The following ANGPTL2 variants were observed in gnomAD, a reference collection of about 807,000 sequenced individuals.
ANGPTL2 encodes angiopoietin like 2.
In ANGPTL2, 25 loss-of-function variants were observed where a neutral mutation model predicts 52.8. The observed-to-expected ratio is 0.47, with a 90% CI of 0.35 to 0.66. The LOEUF is 0.66. Ranked by LOEUF, ANGPTL2 falls within the 30% of genes least tolerant of loss-of-function variation. The pLI, the probability that ANGPTL2 is intolerant of heterozygous loss-of-function variation, is 0.01. For synonymous variants in ANGPTL2, 276 were observed against 277.4 expected (o/e 1.00, Z 0.05); for missense variants, 546 against 656.9 (o/e 0.83, Z 1.84).
intron 4 of ANGPTL2, among the ~76,000 whole-genome samples, chr9:127,090,172 C>G (rs2052295212): frequency 6.6e-6 from 1 of 152,210 alleles, no homozygotes; most frequent in African/African-American, 2.4e-5. Context: ...CACGCCATAA[C>G]CAGCCTCCTC....
At chr9:127,110,543 C>T (rs1478857297) in intron 1 of ANGPTL2, among the ~76,000 whole-genome samples, 3 of 152,164 alleles carry the variant, frequency 2.0e-5, no homozygotes, top group Non-Finnish European at 4.4e-5. Flanking sequence ...TGGAACTCTC[C>T]CCAGGACTCT....
chr9:127,092,075 C>T, intron 3 of ANGPTL2, 135 bp from the exon 4 acceptor site: 1 of 1,015,960 alleles, frequency 9.8e-7, no homozygotes, highest in South Asian at 1.5e-5. Context: ...GGTTCAGACC[C>T]CTACTCCACC....
intron 1 of ANGPTL2, among the ~76,000 whole-genome samples, chr9:127,109,486 G>C (rs1170447721): frequency 6.6e-6 from 1 of 152,252 alleles, no homozygotes; most frequent in Non-Finnish European, 1.5e-5. Context: ...CTAAGCTACA[G>C]AGCCAAAACA....
intron 2 of ANGPTL2, among the ~76,000 whole-genome samples, chr9:127,099,148 C>T (rs1332483288): frequency 6.6e-6 from 1 of 152,174 alleles, no homozygotes; most frequent in African/African-American, 2.4e-5. Flanking sequence ...TCCTTTTTAT[C>T]CCCTGAGTCC....
At chr9:127,118,435 A>G (rs984644699) in intron 1 of ANGPTL2, among the ~76,000 whole-genome samples, 1 of 152,278 alleles carries the variant, frequency 6.6e-6, no homozygotes, top group Non-Finnish European at 1.5e-5. Context: ...TTCACAAAAA[A>G]GAAATGCTAT....
chr9:127,096,095 C>T (rs2053102769), intron 2 of ANGPTL2, among the ~76,000 whole-genome samples: 1 of 152,212 alleles, frequency 6.6e-6, no homozygotes, highest in East Asian at 1.9e-4. Context: ...CCCAGGGTAG[C>T]AGATGGGGCA....
intron 1 of ANGPTL2, among the ~76,000 whole-genome samples, chr9:127,116,265 C>G (rs952085302): frequency 6.6e-6 from 1 of 151,682 alleles, no homozygotes; most frequent in African/African-American, 2.4e-5. Context: ...ATTGCTGGCT[C>G]CAGGAAGAGT....
intron 2 of ANGPTL2, among the ~76,000 whole-genome samples, chr9:127,105,166 C>G (rs1480610758): frequency 6.6e-6 from 1 of 152,156 alleles, no homozygotes; most frequent in Non-Finnish European, 1.5e-5. Context: ...AGATGGGTCA[C>G]AAGAAATCTA....
At chr9:127,095,008 C>T (rs2052946769) in intron 2 of ANGPTL2, among the ~76,000 whole-genome samples, 1 of 152,206 alleles carries the variant, frequency 6.6e-6, no homozygotes, top group Non-Finnish European at 1.5e-5. Context: ...GGGCCTTTCT[C>T]ATTGATCTGA....
intron 1 of ANGPTL2, among the ~76,000 whole-genome samples, chr9:127,114,828 C>T (rs898862797): frequency 2.6e-5 from 4 of 152,232 alleles, no homozygotes; most frequent in Non-Finnish European, 4.4e-5. Flanking sequence ...CTGAGCTGTG[C>T]TTGAGTGAGT....
At chr9:127,109,710 A>G (rs2054607360) in intron 1 of ANGPTL2, among the ~76,000 whole-genome samples, 2 of 152,246 alleles carry the variant, frequency 1.3e-5, no homozygotes, top group Admixed American at 1.3e-4. Context: ...GGCTAGGGAT[A>G]CAGCTACCAA....
intron 1 of ANGPTL2, among the ~76,000 whole-genome samples, chr9:127,109,741 C>T (rs990627012): frequency 1.3e-5 from 2 of 152,228 alleles, no homozygotes; most frequent in African/African-American, 4.8e-5. Flanking sequence ...CCAGTCCCTG[C>T]CCTCATGGGG....
At chr9:127,114,632 C>T (rs1589562848) in intron 1 of ANGPTL2, among the ~76,000 whole-genome samples, 1 of 152,362 alleles carries the variant, frequency 6.6e-6, no homozygotes, top group East Asian at 1.9e-4. Context: ...CACCCCCTCA[C>T]CACCCGTCCT....
intron 1 of ANGPTL2, among the ~76,000 whole-genome samples, chr9:127,120,145 C>G (rs2137653115): frequency 6.6e-6 from 1 of 152,268 alleles, no homozygotes; most frequent in East Asian, 1.9e-4. Flanking sequence ...CTCTGCAACT[C>G]CGGGGCAAAC....
chr9:127,118,572 G>A (rs989858269), intron 1 of ANGPTL2, among the ~76,000 whole-genome samples: 2 of 152,342 alleles, frequency 1.3e-5, no homozygotes, highest in East Asian at 3.9e-4. Flanking sequence ...GAGAGACCGT[G>A]GGAGAGGTGC....
intron 4 of ANGPTL2, 68 bp from the exon 5 acceptor site, chr9:127,089,206 G>C: frequency 6.5e-7 from 1 of 1,548,526 alleles, no homozygotes; most frequent in South Asian, 1.1e-5. Context: ...ATAGTGCTCA[G>C]GGCTTTCGGC....
At chr9:127,099,743 C>T (rs918363862) in intron 2 of ANGPTL2, among the ~76,000 whole-genome samples, 2 of 152,202 alleles carry the variant, frequency 1.3e-5, no homozygotes, top group Admixed American at 1.3e-4. Context: ...AAACAATAAC[C>T]TAAACACAGG....
In ANGPTL2 at chr9:127,108,209, T is replaced by G; in HGVS notation, c.523A>C (p.Lys175Gln). Residue 175 changes from lysine to glutamine, a missense_variant, in exon 2 of 5, where the codon AAG becomes CAG. This residue lies in a region of ANGPTL2 where 285 missense variants were observed against 295.8 expected (regional missense o/e 0.96). Coordinates refer to ENST00000373425, the MANE Select transcript of ANGPTL2 (RefSeq NM_012098.3). ...TACTTGTGCTCCAGGTCCTTGTACT[T>G]GCTGGCCAGCTGCAGCATGTCGGCT... ...QTADMLQLAS[K>Q]YKDLEHKYQH... The G allele has an allele frequency of 6.2e-7, 1 of 1,614,100 alleles. No homozygotes were observed. The highest frequency in any genetic ancestry group is 8.5e-7 in the Non-Finnish European group (1 of 1,180,014).
At chr9:127,114,184 C>A (rs1368882893) in intron 1 of ANGPTL2, among the ~76,000 whole-genome samples, 1 of 152,226 alleles carries the variant, frequency 6.6e-6, no homozygotes, top group Non-Finnish European at 1.5e-5. Context: ...CTGTGCTACT[C>A]TAGGGGACAC....
Sources: allele counts gnomAD v4.1 joint callset (sites outside exome capture counted in the v4.1 genomes callset), GRCh38; gene constraint gnomAD v4.1.1; regional missense constraint gnomAD v4.1.1; transcripts MANE v1.5; gene names NCBI Gene and HGNC (gene_info 2026-07-23, HGNC 2026-07-21).